Variants in NCOA1 observed in about 807,000 individuals in gnomAD.
NCOA1 encodes the protein nuclear receptor coactivator 1, also known as Hin-2 protein.
A neutral mutation model predicts 150.9 loss-of-function variants in NCOA1; 35 were observed. The observed-to-expected ratio is 0.23, with a 90% CI of 0.18 to 0.31. NCOA1 has a LOEUF of 0.31. Among genes scored for constraint, NCOA1 ranks in the 10% least tolerant of loss-of-function variants. The pLI is 1.00. For synonymous variants in NCOA1, 590 were observed against 630.0 expected (o/e 0.94, Z 0.95); for missense variants, 1,491 against 1,749.3 (o/e 0.85, Z 2.63).
At chr2:24,585,723 A>G (rs1204789398) in intron 3 of NCOA1, among the ~76,000 whole-genome samples, 3 of 152,206 alleles carry the variant, frequency 2.0e-5, no homozygotes, top group African/African-American at 4.8e-5. Context: ...CCAAGATTTC[A>G]AAGTATAGTT....
chr2:24,515,079 G>A (rs1031530340), intron 1 of NCOA1, among the ~76,000 whole-genome samples: 3 of 152,098 alleles, frequency 2.0e-5, no homozygotes, highest in African/African-American at 7.2e-5. Flanking sequence ...ATCTAATTTA[G>A]CATTGAGAAA....
At chr2:24,632,630 C>T (rs970307754) in intron 3 of NCOA1, among the ~76,000 whole-genome samples, 2 of 152,170 alleles carry the variant, frequency 1.3e-5, no homozygotes, top group Non-Finnish European at 2.9e-5. Context: ...GGCCCTTTAG[C>T]ATCCAGGCAG....
At chr2:24,618,990 A>G (rs182178708) in intron 3 of NCOA1, among the ~76,000 whole-genome samples, 7 of 152,292 alleles carry the variant, frequency 4.6e-5, no homozygotes, top group African/African-American at 1.7e-4. Context: ...TTATGATTAA[A>G]AATTTGATGT....
chr2:24,646,653 A>T (rs1670486727), intron 4 of NCOA1, among the ~76,000 whole-genome samples: 1 of 151,042 alleles, frequency 6.6e-6, no homozygotes, highest in Admixed American at 6.6e-5. Flanking sequence ...TTTCCTTCCT[A>T]AAAAGGCTGT....
At chr2:24,513,085 C>T (rs1185457448) in intron 1 of NCOA1, among the ~76,000 whole-genome samples, 1 of 152,188 alleles carries the variant, frequency 6.6e-6, no homozygotes, top group Admixed American at 6.5e-5. Flanking sequence ...AGCATCCGTC[C>T]AGTTCAGATG....
chr2:24,549,394 T>C (rs1665736131), intron 1 of NCOA1, among the ~76,000 whole-genome samples: 1 of 152,160 alleles, frequency 6.6e-6, no homozygotes, highest in South Asian at 2.1e-4. Flanking sequence ...TGGGAGGGGC[T>C]GCCACAAAGG....
intron 22 of NCOA1, among the ~76,000 whole-genome samples, chr2:24,765,083 A>G (rs1484116078): frequency 1.3e-5 from 2 of 151,576 alleles, no homozygotes; most frequent in Non-Finnish European, 2.9e-5. Context: ...AAGTTGAGAC[A>G]GGAGAATCGC....
chr2:24,618,958 A>G (rs1668997625), intron 3 of NCOA1, among the ~76,000 whole-genome samples: 1 of 152,200 alleles, frequency 6.6e-6, no homozygotes, highest in Non-Finnish European at 1.5e-5. Context: ...GAAAGAGGAG[A>G]CAATTTATAC....
At chr2:24,541,077 G>A (rs1434210805) in intron 1 of NCOA1, among the ~76,000 whole-genome samples, 1 of 152,206 alleles carries the variant, frequency 6.6e-6, no homozygotes, top group African/African-American at 2.4e-5. Context: ...GTTATAGTCT[G>A]TTAGGCTAGT....
At chr2:24,549,719 A>G (rs912122822) in intron 1 of NCOA1, among the ~76,000 whole-genome samples, 1 of 152,092 alleles carries the variant, frequency 6.6e-6, no homozygotes, top group African/African-American at 2.4e-5. Context: ...GGTGCCCACC[A>G]CTGCGCCCAG....
intron 3 of NCOA1, among the ~76,000 whole-genome samples, chr2:24,617,814 A>C (rs907869431): frequency 9.2e-5 from 14 of 152,190 alleles, no homozygotes; most frequent in African/African-American, 3.4e-4. Flanking sequence ...ATACCAAAAA[A>C]CAAAAAATTG....
rs115660140 is a variant in NCOA1 at position 24,735,706 on chromosome 2, T to A, written c.3202-3726T>A. Among the ~76,000 whole-genome samples the A allele has an allele frequency of 4.8e-3, 732 of 152,236 alleles. 8 individuals are homozygous for A. The highest frequency in any genetic ancestry group is 0.016 in the African/African-American group (664 of 41,556). On this transcript the variant is annotated intron_variant, in intron 17 of 22. Transcript: ENST00000348332. ...GATGAAAAACATCCTAGGAAACTAG[T>A]GTATCTGTATTGGTTGAGATTTTTA...
intron 3 of NCOA1, among the ~76,000 whole-genome samples, chr2:24,639,597 G>A (rs1463608617): frequency 6.6e-6 from 1 of 151,672 alleles, no homozygotes; most frequent in Non-Finnish European, 1.5e-5. Flanking sequence ...AAATATATAA[G>A]CAGAGTATAG....
chr2:24,697,849 T>C (rs1572607445), intron 11 of NCOA1, 51 bp downstream of exon 11: 12 of 1,531,684 alleles, frequency 7.8e-6, no homozygotes, highest in Non-Finnish European at 4.5e-6. Context: ...TTTACTGATA[T>C]TTGAATAGTT....
chr2:24,659,894 A>G (rs2148494106), intron 5 of NCOA1, among the ~76,000 whole-genome samples: 1 of 152,218 alleles, frequency 6.6e-6, no homozygotes, highest in Non-Finnish European at 1.5e-5. Flanking sequence ...AGGGGAAACA[A>G]AATCACCTCT....
intron 3 of NCOA1, among the ~76,000 whole-genome samples, chr2:24,609,687 G>T (rs1668534786): frequency 1.3e-5 from 2 of 151,236 alleles, no homozygotes; most frequent in African/African-American, 4.9e-5. Flanking sequence ...TTGTGCATTT[G>T]ATTTCTGTTT....
At chr2:24,534,925 G>A (rs1430213066) in intron 1 of NCOA1, among the ~76,000 whole-genome samples, 1 of 152,216 alleles carries the variant, frequency 6.6e-6, no homozygotes, top group African/African-American at 2.4e-5. Flanking sequence ...TGTATATTCT[G>A]TTGATTTGGG....
intron 19 of NCOA1, among the ~76,000 whole-genome samples, chr2:24,744,010 C>T (rs1039027474): frequency 2.6e-5 from 4 of 152,182 alleles, no homozygotes; most frequent in Non-Finnish European, 4.4e-5. Flanking sequence ...GACAAAGCCA[C>T]CTGGAAAGGC....
chr2:24,739,269 A>G (rs6739575), intron 17 of NCOA1, among the ~76,000 whole-genome samples, 163 bp from the exon 18 acceptor site: 127,545 of 151,878 alleles, frequency 0.84, 54,477 homozygotes, highest in East Asian at 0.99. Flanking sequence ...TTTTATAAAC[A>G]TTGGGAACTA....
Sources: allele counts gnomAD v4.1 joint callset (sites outside exome capture counted in the v4.1 genomes callset), GRCh38; gene constraint gnomAD v4.1.1; transcripts MANE v1.5; gene names NCBI Gene and HGNC (gene_info 2026-07-23, HGNC 2026-07-21).